Variants in NFASC observed in about 807,000 individuals in gnomAD.
The protein encoded by NFASC is neurofascin homolog.
In NFASC, 43 loss-of-function variants were observed where a neutral mutation model predicts 147.5. The observed-to-expected ratio is 0.29, with a 90% CI of 0.23 to 0.38. The LOEUF is 0.38. Ranked by LOEUF, NFASC falls within the 10% of genes least tolerant of loss-of-function variation. The pLI is 1.00. For synonymous variants in NFASC, 622 were observed against 665.5 expected, an observed-to-expected ratio of 0.93 and a Z score of 1.01; for missense variants, 1,320 against 1,689.0, an observed-to-expected ratio of 0.78 and a Z score of 3.83.
chr1:204,954,966 C>T lies in NFASC; in HGVS notation c.535+15C>T. 1 of 1,613,838 alleles carries T rather than the reference C, an allele frequency of 6.2e-7. No individual in the cohort carries two copies. The highest frequency in any genetic ancestry group is 2.2e-5 in the East Asian group (1 of 44,862). On this transcript the variant is annotated intron_variant, in intron 7 of 29. Transcript: ENST00000339876. The surrounding 1 kb of genome is among the most constrained non-coding windows in gnomAD (Gnocchi z 5.7). The stretch of plus-strand genomic sequence containing the variant: ...GATGAGCAGCTGTGAGTCTTGGGGG[C>T]CTGGTGTTGTGTTTATATCTTAACC...
At chr1:204,916,539 C>T (rs1276072524) in intron 1 of NFASC, among the ~76,000 whole-genome samples, 1 of 151,986 alleles carries the variant, frequency 6.6e-6, no homozygotes, top group African/African-American at 2.4e-5. Context: ...TTTTGTTTTC[C>T]AAGTACTTTC....
chr1:204,873,235 A>G (rs2078071212), intron 1 of NFASC, among the ~76,000 whole-genome samples: 1 of 152,164 alleles, frequency 6.6e-6, no homozygotes, highest in Non-Finnish European at 1.5e-5. Context: ...ATGACCACTC[A>G]AGACATTTTC....
chr1:204,895,454 A>G (rs1397159210), intron 1 of NFASC, among the ~76,000 whole-genome samples: 1 of 152,186 alleles, frequency 6.6e-6, no homozygotes, highest in East Asian at 1.9e-4. Context: ...CCTTTGTGTC[A>G]TTCAACCCTG....
intron 11 of NFASC, among the ~76,000 whole-genome samples, chr1:204,971,459 T>C (rs2095254163): frequency 6.6e-6 from 1 of 152,124 alleles, no homozygotes; most frequent in Non-Finnish European, 1.5e-5. Flanking sequence ...AACAATGGTA[T>C]CAACCAAATG....
intron 21 of NFASC, chr1:204,984,313 A>G (rs1558367661): frequency 1.8e-6 from 1 of 545,662 alleles, no homozygotes; most frequent in African/African-American, 1.9e-5. Flanking sequence ...TATACCCAGA[A>G]AAAAAAATTA....
intron 1 of NFASC, among the ~76,000 whole-genome samples, chr1:204,906,422 G>A (rs1025801045): frequency 3.3e-5 from 5 of 152,040 alleles, no homozygotes; most frequent in African/African-American, 1.2e-4. Context: ...TGTCTCTAGG[G>A]TTTGCATTTT....
In NFASC at chr1:204,979,677, C is replaced by G; in HGVS notation, c.2176+118C>G. The G allele has an allele frequency of 7.7e-6, 7 of 905,082 alleles. No homozygotes were observed. Among genetic ancestry groups the G allele is most frequent in the Non-Finnish European group, 1.3e-5 (7 of 549,522 alleles). The allele number at this position is 905,082 out of a possible 1,614,324, so 56.1% of individuals were successfully genotyped here. On this transcript the variant is annotated intron_variant, in intron 19 of 29. Coordinates refer to ENST00000339876, the MANE Select transcript of NFASC (RefSeq NM_001005388.3). The surrounding 1 kb of genome is among the most constrained non-coding windows in gnomAD (Gnocchi z 6.0). Reference sequence around the variant, plus strand: ...TTACTTAACTTCTCCAAGGCCCGGCCTCATCTGTGAGGCAGAGAGTAATAA... The same window carrying G: ...TTACTTAACTTCTCCAAGGCCCGGCGTCATCTGTGAGGCAGAGAGTAATAA...
chr1:204,933,173 A>G (rs1381868466), intron 2 of NFASC, among the ~76,000 whole-genome samples: 2 of 152,214 alleles, frequency 1.3e-5, no homozygotes, highest in African/African-American at 4.8e-5. Flanking sequence ...ACATGATCAG[A>G]TCAGGTGTTT....
intron 1 of NFASC, among the ~76,000 whole-genome samples, chr1:204,872,387 C>T (rs1386731814): frequency 2.0e-5 from 3 of 152,240 alleles, no homozygotes; most frequent in South Asian, 2.1e-4. Flanking sequence ...CTCCCTCCCA[C>T]GGTCTGAAGG....
chr1:204,954,707 G>T lies in NFASC; in HGVS notation c.413-122G>T. On this transcript the variant is annotated intron_variant, in intron 6 of 29. Transcript: ENST00000339876. The surrounding 1 kb of genome is among the most constrained non-coding windows in gnomAD (Gnocchi z 5.7). The stretch of plus-strand genomic sequence containing the variant: ...CTCACGTGCCCCGTCCCTCTCTCTT[G>T]CTCCCTCCTTCTCCAGGTGCCCCTT... 1 of 1,211,832 alleles carries T rather than the reference G, an allele frequency of 8.3e-7. No homozygotes were observed. Among genetic ancestry groups the T allele is most frequent in the Non-Finnish European group, 1.2e-6 (1 of 846,260 alleles). 75.1% of individuals were successfully genotyped at this position (1,211,832 alleles called of 1,614,324 possible).
chr1:204,987,255 G>C lies in NFASC; in HGVS notation c.2471-163G>C. 1 of 648,680 alleles carries C rather than the reference G, an allele frequency of 1.5e-6. No individual in the cohort carries two copies. 40.2% of individuals were successfully genotyped at this position (648,680 alleles called of 1,614,324 possible). Reference sequence around the variant, plus strand: ...AATAGCATCCTGGATGGGGCAATGGGCTCCGGTCGTCTCACGGTTCTCCCA... The same window carrying C: ...AATAGCATCCTGGATGGGGCAATGGCCTCCGGTCGTCTCACGGTTCTCCCA... On this transcript the variant is annotated intron_variant, in intron 21 of 29. Coordinates refer to ENST00000339876, the MANE Select transcript of NFASC (RefSeq NM_001005388.3). The surrounding 1 kb of genome is among the most constrained non-coding windows in gnomAD (Gnocchi z 4.4).
At chr1:205,009,948 G>A (rs2096220614) in intron 28 of NFASC, 2 of 505,664 alleles carry the variant, frequency 4.0e-6, no homozygotes, top group East Asian at 3.3e-5. Context: ...CTCCTATTAA[G>A]AATGACCTTT....
intron 1 of NFASC, among the ~76,000 whole-genome samples, chr1:204,918,236 T>C (rs1001427930): frequency 3.3e-5 from 5 of 152,358 alleles, no homozygotes; most frequent in African/African-American, 1.2e-4. Context: ...AAGGTAGTTC[T>C]TTTTATCTTT....
rs534733790 is a variant in NFASC at position 204,915,258 on chromosome 1, A to G, written c.-199-5374A>G. ...ATAGCACCACTGCACTCCAGCCTGG[A>G]CAACAGAGCAAGACTCTGTCTCAAA... On this transcript the variant is annotated intron_variant, in intron 1 of 29. Transcript: ENST00000339876. Among the ~76,000 whole-genome samples the G allele has an allele frequency of 2.7e-4, 41 of 152,294 alleles. 2 individuals are homozygous for G. The South Asian group carries it at 8.1e-3, about 30-fold the overall frequency.
chr1:204,947,380 G>A (rs1425424576), intron 3 of NFASC, among the ~76,000 whole-genome samples: 1 of 152,170 alleles, frequency 6.6e-6, no homozygotes, highest in Non-Finnish European at 1.5e-5. Flanking sequence ...GCTGAAGGAA[G>A]ATCAGGCATT....
Position 204,902,688 on chromosome 1 carries a change from TG to T in NFASC, c.-199-17943del, listed in dbSNP as rs1217624390. Among the ~76,000 whole-genome samples, 6 of 152,162 alleles carry T rather than the reference TG, an allele frequency of 3.9e-5. No individual in the cohort carries two copies. The East Asian group carries it at 5.8e-4, about 15-fold the overall frequency. On this transcript the variant is annotated intron_variant, in intron 1 of 29. Transcript: ENST00000339876. ...CAATAATTGTTGAAGTTGGCTGATG[TG>T]CAAGAGTCGTTATGCTTTTTCTACT...
At chr1:204,919,828 A>C (rs1031692233) in intron 1 of NFASC, among the ~76,000 whole-genome samples, 1 of 152,204 alleles carries the variant, frequency 6.6e-6, no homozygotes. Context: ...CATGTTGGCC[A>C]TGCTGATCTC....
chr1:204,912,849 C>G (rs947552629), intron 1 of NFASC, among the ~76,000 whole-genome samples: 4 of 142,916 alleles, frequency 2.8e-5, no homozygotes. Flanking sequence ...TCTAGAGATC[C>G]TGTCTCCAAA....
chr1:204,969,953 G>A (rs2095164523), intron 10 of NFASC, among the ~76,000 whole-genome samples: 1 of 151,838 alleles, frequency 6.6e-6, no homozygotes, highest in South Asian at 2.1e-4. Context: ...GGACATGCCT[G>A]TAATCTCAGC....
Sources: allele counts gnomAD v4.1 joint callset (sites outside exome capture counted in the v4.1 genomes callset), GRCh38; gene constraint gnomAD v4.1.1; non-coding constraint Gnocchi (gnomAD v3.1); transcripts MANE v1.5; gene names NCBI Gene and HGNC (gene_info 2026-07-23, HGNC 2026-07-21).